The following NUP155 variants were observed in gnomAD, a reference collection of about 807,000 sequenced individuals.
The protein encoded by NUP155 is nucleoporin 155.
A neutral mutation model predicts 180.4 loss-of-function variants in NUP155; 71 were observed. The ratio of observed to expected loss-of-function variants is 0.39; its 90% confidence interval spans 0.33 to 0.48. The LOEUF is 0.48. NUP155 is among the 20% of genes least tolerant of loss of function. The pLI, the probability that NUP155 is intolerant of heterozygous loss-of-function variation, is 0.91. For synonymous variants in NUP155, 582 were observed against 559.5 expected (o/e 1.04, Z -0.57); for missense variants, 1,553 against 1,648.9 (o/e 0.94, Z 1.01).
intron 24 of NUP155, among the ~76,000 whole-genome samples, chr5:37,308,875 CAAAAAAAAAAAA>C (rs59572976): frequency 2.9e-5 from 2 of 68,862 alleles, no homozygotes; most frequent in East Asian, 3.6e-4. Flanking sequence ...GCGAGACTCT[CAAAAAAAAAAAA>C]AAAAAAAAAA....
At chr5:37,364,698 A>T (rs217850) in intron 1 of NUP155, among the ~76,000 whole-genome samples, 2 of 151,202 alleles carry the variant, frequency 1.3e-5, no homozygotes, top group Non-Finnish European at 2.9e-5. Context: ...GTGCAGTGGC[A>T]CAATCTCGGC....
chr5:37,325,556 T>A (rs1744537937), intron 19 of NUP155, among the ~76,000 whole-genome samples: 1 of 151,884 alleles, frequency 6.6e-6, no homozygotes, highest in Non-Finnish European at 1.5e-5. Flanking sequence ...TTTGCTTGAG[T>A]CTAGGAGTTT....
intron 11 of NUP155, among the ~76,000 whole-genome samples, chr5:37,339,630 C>T (rs964134668): frequency 6.6e-6 from 1 of 152,070 alleles, no homozygotes; most frequent in Admixed American, 6.6e-5. Context: ...CCTTCCTCCC[C>T]ACCCTCAAAT....
chr5:37,336,764 C>T (rs1420258160), intron 12 of NUP155, among the ~76,000 whole-genome samples: 1 of 152,148 alleles, frequency 6.6e-6, no homozygotes, highest in Non-Finnish European at 1.5e-5. Context: ...TACCCCAGCT[C>T]TTTGAACCTT....
intron 13 of NUP155, among the ~76,000 whole-genome samples, 166 bp from the exon 14 acceptor site, chr5:37,331,961 C>A (rs187897037): frequency 4.6e-5 from 7 of 151,910 alleles, no homozygotes; most frequent in East Asian, 1.9e-4. Context: ...CAGCACATCA[C>A]GGGGCTGAGG....
rs769063728 is a variant in NUP155, at chr5:37,350,217, T to C, written c.772A>G (p.Lys258Glu). ...SQRCRKINHSKSSLSFLVPSL... is the reference protein window; with the variant it reads ...SQRCRKINHSESSLSFLVPSL... ...GGAACAAGGAAAGAAAGTGAGCTCT[T>C]TGAGTGGTTTATTTTCCTACATCTT... is the stretch of plus-strand genomic sequence containing the variant. The change falls in exon 7 of 35, where the codon AAG becomes GAG. Residue 258 changes from lysine (K) to glutamate (E), a missense_variant. Transcript: ENST00000231498. The C allele has an allele frequency of 6.2e-7, 1 of 1,613,932 alleles. No homozygotes were observed. Among genetic ancestry groups the C allele is most frequent in the Non-Finnish European group, 8.5e-7 (1 of 1,179,920 alleles).
intron 3 of NUP155, among the ~76,000 whole-genome samples, chr5:37,363,591 T>G (rs1173484197): frequency 6.6e-6 from 1 of 152,134 alleles, no homozygotes; most frequent in Non-Finnish European, 1.5e-5. Context: ...ATTGCCAACA[T>G]CTATTTTTAC....
intron 32 of NUP155, among the ~76,000 whole-genome samples, chr5:37,296,213 T>G (rs76915087): frequency 1.9e-4 from 29 of 151,680 alleles, no homozygotes; most frequent in African/African-American, 6.5e-4. Context: ...ATGATGACAA[T>G]GGCAGTTTTG....
At chr5:37,358,009 G>T in intron 4 of NUP155, 72 bp downstream of exon 4, 1 of 1,052,198 alleles carries the variant, frequency 9.5e-7, no homozygotes, top group Non-Finnish European at 1.5e-6. Context: ...AATGTGTGTT[G>T]TTGTTCAGGT....
chr5:37,303,744 G>C (rs999219616), intron 27 of NUP155, among the ~76,000 whole-genome samples: 8 of 152,108 alleles, frequency 5.3e-5, no homozygotes, highest in Admixed American at 3.9e-4. Context: ...TCAGGAGTTT[G>C]AGACCAGCCT....
In NUP155 at chr5:37,348,596, C is replaced by A. The variant is rs1229820590; in HGVS notation, c.904G>T (p.Val302Leu). 1 of 1,574,924 alleles carries A rather than the reference C, an allele frequency of 6.3e-7. No individual in the cohort carries two copies. Residue 302 changes from valine to leucine, a missense_variant and splice_region_variant, in exon 9 of 35, where the codon GTG (valine) becomes TTG (leucine). Transcript: ENST00000231498. ...YTRSEKGVIQVYDLGQDGQGM... is the reference protein window; with the variant it reads ...YTRSEKGVIQLYDLGQDGQGM... Reference sequence around the variant, plus strand: ...TGTCCATCTTGTCCCAAATCATACACCTGTGAATACAAAATCATTCTCACT... The same window carrying A: ...TGTCCATCTTGTCCCAAATCATACAACTGTGAATACAAAATCATTCTCACT...
At chr5:37,337,685 TCTTTA>T (rs1745423203) in intron 12 of NUP155, 128 bp downstream of exon 12, 1 of 611,160 alleles carries the variant, frequency 1.6e-6, no homozygotes, top group Non-Finnish European at 2.9e-6. Flanking sequence ...CAGGATAATT[TCTTTA>T]CTTTATAATT....
At chr5:37,336,461 C>T (rs192313438) in intron 12 of NUP155, among the ~76,000 whole-genome samples, 13 of 151,960 alleles carry the variant, frequency 8.6e-5, no homozygotes, top group Non-Finnish European at 1.5e-5. Flanking sequence ...AAAAAGTTAA[C>T]ATTTATGGAA....
chr5:37,355,918 T>C (rs1377359027), intron 4 of NUP155, among the ~76,000 whole-genome samples: 2 of 151,764 alleles, frequency 1.3e-5, no homozygotes, highest in Non-Finnish European at 2.9e-5. Flanking sequence ...TTCTCCTTCC[T>C]AGTAACTCTG....
rs750058591 is a variant in NUP155, at chr5:37,363,960, C to T, written c.320G>A (p.Gly107Asp). The T allele has an allele frequency of 6.2e-7, 1 of 1,613,404 alleles. No individual in the cohort carries two copies. Among genetic ancestry groups the T allele is most frequent in the Non-Finnish European group, 8.5e-7 (1 of 1,179,366 alleles). ...FGHMQCNCMMGVFPPISRAWL... is the reference protein window; with the variant it reads ...FGHMQCNCMMDVFPPISRAWL... ...AGCTCTGCTGATAGGAGGGAACACACCCATCATGCAATTACACTGCATATC... is the reference window on the plus strand; with the variant it reads ...AGCTCTGCTGATAGGAGGGAACACATCCATCATGCAATTACACTGCATATC... Residue 107 changes from glycine to aspartate, a missense_variant, in exon 3 of 35, where the codon GGT (glycine) becomes GAT (aspartate). Physicochemically the swap from Gly to Asp is moderately conservative, Grantham distance 94. Transcript: ENST00000231498.
intron 1 of NUP155, among the ~76,000 whole-genome samples, chr5:37,366,288 A>G (rs1275167661): frequency 6.6e-6 from 1 of 150,806 alleles, no homozygotes; most frequent in Non-Finnish European, 1.5e-5. Context: ...AAACTGACAT[A>G]TAAAACAATC....
chr5:37,303,487 G>A, intron 27 of NUP155, 73 bp from the exon 28 acceptor site: 1 of 1,246,290 alleles, frequency 8.0e-7, no homozygotes, highest in Non-Finnish European at 1.2e-6. Context: ...GGAAAATATA[G>A]TATTTTTAAG....
At chr5:37,328,849 T>A (rs924258811) in intron 16 of NUP155, among the ~76,000 whole-genome samples, 1 of 152,192 alleles carries the variant, frequency 6.6e-6, no homozygotes, top group Non-Finnish European at 1.5e-5. Flanking sequence ...GTCCACGATA[T>A]ATGCAAGAAT....
chr5:37,363,935 A>G lies in NUP155; in HGVS notation c.345T>C (p.Ala115=), dbSNP rs773472602. 9.3e-6 allele frequency: 15 copies of G among 1,613,914 alleles called. No homozygotes were observed. Among genetic ancestry groups the G allele is most frequent in the South Asian group, 5.5e-5 (5 of 91,086 alleles). Reference sequence around the variant, plus strand: ...ATATATCACTGTCAATTGTGAGCCAAGCTCTGCTGATAGGAGGGAACACAC... The same window carrying G: ...ATATATCACTGTCAATTGTGAGCCAGGCTCTGCTGATAGGAGGGAACACAC... ...MMGVFPPISR[A]WLTIDSDIFM... The change falls in exon 3 of 35, where the codon GCT becomes GCC. Residue 115 remains alanine (A), a synonymous_variant. Coordinates refer to ENST00000231498, the MANE Select transcript of NUP155 (RefSeq NM_153485.3).
Sources: allele counts gnomAD v4.1 joint callset (sites outside exome capture counted in the v4.1 genomes callset), GRCh38; gene constraint gnomAD v4.1.1; transcripts MANE v1.5; gene names NCBI Gene and HGNC (gene_info 2026-07-23, HGNC 2026-07-21).